NAA20: variants seen among roughly 807,000 people sequenced by gnomAD.
The protein encoded by NAA20 is N-alpha-acetyltransferase 20.
A neutral mutation model predicts 23.8 loss-of-function variants in NAA20; 24 were observed. The ratio of observed to expected loss-of-function variants is 1.01; its 90% CI spans 0.73 to 1.42. The LOEUF is 1.42. Among genes scored for constraint, NAA20 ranks in the 40% most tolerant of loss-of-function variants. NAA20 has a pLI of 0.00. For synonymous variants in NAA20, 83 were observed against 77.7 expected, an observed-to-expected ratio of 1.07 and a Z score of -0.36; for missense variants, 166 against 223.1, an observed-to-expected ratio of 0.74 and a Z score of 1.63.
At chr20:20,017,651 C>A in intron 1 of NAA20, 17 of 1,354,030 alleles carry the variant, frequency 1.3e-5, no homozygotes, top group Non-Finnish European at 1.6e-5. Context: ...CGACGCACGC[C>A]GGCCTTGGCG....
chr20:20,018,076 C>T (rs575597657), intron 1 of NAA20: 2 of 1,614,072 alleles, frequency 1.2e-6, no homozygotes, highest in African/African-American at 2.7e-5. Context: ...TGTAGCTGCG[C>T]ACCCCGGTGT....
chr20:20,022,682 C>A, intron 2 of NAA20: 1 of 488,492 alleles, frequency 2.0e-6, no homozygotes, highest in Non-Finnish European at 3.6e-6. Flanking sequence ...CTGTTAATAT[C>A]ATGACTTGGT....
intron 2 of NAA20, among the ~76,000 whole-genome samples, chr20:20,025,258 T>C (rs1339741004): frequency 6.6e-6 from 1 of 152,210 alleles, no homozygotes; most frequent in East Asian, 1.9e-4. Context: ...TGCAATTATG[T>C]AAGCATCAGT....
chr20:20,030,557 A>AAT (rs755219699), intron 4 of NAA20, among the ~76,000 whole-genome samples: 11 of 152,156 alleles, frequency 7.2e-5, no homozygotes, highest in Non-Finnish European at 1.6e-4. Flanking sequence ...AGCAGGAAAA[A>AAT]ATAAACGATA....
intron 4 of NAA20, among the ~76,000 whole-genome samples, chr20:20,031,810 A>G (rs2043345495): frequency 6.6e-6 from 1 of 152,252 alleles, no homozygotes; most frequent in African/African-American, 2.4e-5. Flanking sequence ...AATACAAATT[A>G]AAATCTGAGA....
At chr20:20,018,882 A>C (rs904557437) in intron 1 of NAA20, 3 of 985,418 alleles carry the variant, frequency 3.0e-6, no homozygotes, top group Non-Finnish European at 3.6e-6. Context: ...AGAATGAGTA[A>C]AGCGAGGAAC....
chr20:20,025,599 G>T, intron 2 of NAA20, 78 bp from the exon 3 acceptor site: 1 of 1,059,344 alleles, frequency 9.4e-7, no homozygotes, highest in Non-Finnish European at 1.5e-6. Flanking sequence ...CTTTTTAAAG[G>T]AAACTTTTTT....
intron 1 of NAA20, chr20:20,018,082 G>A (rs763864941): frequency 1.2e-6 from 2 of 1,613,940 alleles, no homozygotes; most frequent in Non-Finnish European, 1.7e-6. Flanking sequence ...TGCGCACCCC[G>A]GTGTACACAC....
At chr20:20,026,154 A>G (rs2043304743) in intron 3 of NAA20, among the ~76,000 whole-genome samples, 1 of 152,076 alleles carries the variant, frequency 6.6e-6, no homozygotes, top group Non-Finnish European at 1.5e-5. Flanking sequence ...AAATACAAAA[A>G]ATTAGCTGGG....
At chr20:20,018,886 G>A (rs2043249744) in intron 1 of NAA20, 2 of 985,302 alleles carry the variant, frequency 2.0e-6, no homozygotes, top group Admixed American at 6.2e-5. Flanking sequence ...TGAGTAAAGC[G>A]AGGAACTTCA....
In NAA20 at chr20:20,033,433, A is replaced by G; in HGVS notation, c.*246A>G. The stretch of plus-strand genomic sequence containing the variant: ...CAGCTAGGTCAGAAGGAAACATACC[A>G]CTCTCATGGTTCATAGTATTCACTG... On this transcript the variant is annotated 3_prime_UTR_variant, in exon 6 of 6. Coordinates refer to ENST00000334982, the MANE Select transcript of NAA20 (RefSeq NM_016100.5). The G allele has an allele frequency of 2.5e-6, 1 of 395,108 alleles. No individual in the cohort carries two copies. Among genetic ancestry groups the G allele is most frequent in the African/African-American group, 2.0e-5 (1 of 49,800 alleles). The allele number at this position is 395,108 out of a possible 1,614,324, so 24.5% of individuals were successfully genotyped here.
At chr20:20,018,851 A>G (rs1487430138) in intron 1 of NAA20, 4 of 983,678 alleles carry the variant, frequency 4.1e-6, no homozygotes, top group Non-Finnish European at 4.8e-6. Context: ...CATGGCAAGC[A>G]CAAGTGAATT....
At chr20:20,024,709 G>A (rs937004798) in intron 2 of NAA20, among the ~76,000 whole-genome samples, 7 of 152,168 alleles carry the variant, frequency 4.6e-5, no homozygotes, top group Admixed American at 2.6e-4. Flanking sequence ...GGACTCCTCT[G>A]TTAGCCACAG....
intron 4 of NAA20, among the ~76,000 whole-genome samples, chr20:20,027,128 C>G (rs1467006854): frequency 6.6e-6 from 1 of 152,090 alleles, no homozygotes; most frequent in African/African-American, 2.4e-5. Flanking sequence ...TTGTAGTGAC[C>G]CGCTATAGGC....
rs6035519 is a variant in NAA20 at position 20,021,297 on chromosome 20, G to A, written c.54-1159G>A. ...TGTGTGAGGTTAGAGCTATCTTCAT[G>A]ATGTATTAAGAAGGTTTTTCATCTT... On this transcript the variant is annotated intron_variant, in intron 1 of 5. Transcript: ENST00000334982. Among the ~76,000 whole-genome samples, 1,385 of 152,184 alleles carry A rather than the reference G, an allele frequency of 9.1e-3. 24 individuals are homozygous for A. The highest frequency in any genetic ancestry group is 0.032 in the African/African-American group (1,310 of 41,526).
At chr20:20,017,708 G>A (rs1456932397) in intron 1 of NAA20, 1 of 1,427,466 alleles carries the variant, frequency 7.0e-7, no homozygotes, top group Non-Finnish European at 9.1e-7. Context: ...CTGCGAGCTG[G>A]CAGGTTCTGG....
intron 2 of NAA20, among the ~76,000 whole-genome samples, chr20:20,022,983 G>A (rs576519260): frequency 6.6e-6 from 1 of 152,160 alleles, no homozygotes; most frequent in Non-Finnish European, 1.5e-5. Context: ...AACAGCAGAG[G>A]GGGAGGTGAG....
At chr20:20,022,088 G>T (rs2043272115) in intron 1 of NAA20, among the ~76,000 whole-genome samples, 1 of 152,202 alleles carries the variant, frequency 6.6e-6, no homozygotes, top group South Asian at 2.1e-4. Flanking sequence ...GATCCATGGG[G>T]TTGGATGCTG....
chr20:20,022,433 G>T, intron 1 of NAA20, 23 bp from the exon 2 acceptor site: 1 of 1,586,124 alleles, frequency 6.3e-7, no homozygotes, highest in South Asian at 1.2e-5. Flanking sequence ...GCTTACTAGA[G>T]ACATTTCTCT....
Sources: allele counts gnomAD v4.1 joint callset (sites outside exome capture counted in the v4.1 genomes callset), GRCh38; gene constraint gnomAD v4.1.1; transcripts MANE v1.5; gene names NCBI Gene and HGNC (gene_info 2026-07-23, HGNC 2026-07-21).